FGF13: variants seen among roughly 807,000 people sequenced by gnomAD.
FGF13 encodes fibroblast growth factor 13.
A neutral mutation model predicts 19.5 loss-of-function variants in FGF13; 2 were observed. The ratio of observed to expected loss-of-function variants is 0.10; its 90% confidence interval spans 0.04 to 0.32. The LOEUF is 0.32. FGF13 is among the 10% of genes least tolerant of loss of function. The pLI is 1.00. For synonymous variants in FGF13, 72 were observed against 76.9 expected, an observed-to-expected ratio of 0.94 and a Z score of 0.33; for missense variants, 113 against 192.7, an observed-to-expected ratio of 0.59 and a Z score of 2.45.
chrX:138,705,037 A>G (rs751191841), intron 2 of FGF13, among the ~76,000 whole-genome samples: 16 of 111,971 alleles, frequency 1.4e-4, no homozygotes, highest in Non-Finnish European at 2.3e-4. Flanking sequence ...CCATTTATAT[A>G]AAAGCTCATA....
intron 1 of FGF13, among the ~76,000 whole-genome samples, chrX:139,042,339 G>GA (rs1453558675): frequency 1.8e-5 from 2 of 111,462 alleles, no homozygotes; most frequent in Non-Finnish European, 1.9e-5. Flanking sequence ...TTTGGACCAG[G>GA]AATCATCCCA....
chrX:139,132,478 G>A (rs963383555), intron 1 of FGF13, among the ~76,000 whole-genome samples: 2 of 112,032 alleles, frequency 1.8e-5, no homozygotes, highest in Admixed American at 1.9e-4. Context: ...TTCACAAAAT[G>A]CTTTCTTAGT....
At chrX:138,966,073 A>G (rs1391190557) in intron 1 of FGF13, among the ~76,000 whole-genome samples, 1 of 111,775 alleles carries the variant, frequency 8.9e-6, no homozygotes. Flanking sequence ...GTGTTGCTAA[A>G]GGAGATTAAC....
At chrX:138,932,085 TAA>T (rs200977191) in intron 1 of FGF13, among the ~76,000 whole-genome samples, 2,382 of 110,912 alleles carry the variant, frequency 0.021, 65 homozygotes, top group African/African-American at 0.073. Context: ...GCATCTTTTT[TAA>T]AAAGAGTTGA....
intron 3 of FGF13, among the ~76,000 whole-genome samples, chrX:138,826,186 C>T (rs2091033330): frequency 1.8e-5 from 2 of 111,899 alleles, no homozygotes; most frequent in South Asian, 3.7e-4. Flanking sequence ...TTTGGATGTG[C>T]TATTTTCCAC....
chrX:138,932,703 A>AGTGTAGT (rs779804239), intron 1 of FGF13, among the ~76,000 whole-genome samples: 5 of 90,290 alleles, frequency 5.5e-5, no homozygotes, highest in Non-Finnish European at 1.1e-4. Context: ...TCAGGAGTGT[A>AGTGTAGT]GTGTGTGTGT....
chrX:138,987,251 T>A (rs1198634167), intron 1 of FGF13, among the ~76,000 whole-genome samples: 1 of 111,929 alleles, frequency 8.9e-6, no homozygotes, highest in Non-Finnish European at 1.9e-5. Flanking sequence ...ATCTAATTAT[T>A]TTAAGTATTC....
intron 1 of FGF13, among the ~76,000 whole-genome samples, chrX:138,916,287 A>C (rs2124235255): frequency 8.9e-6 from 1 of 111,877 alleles, no homozygotes; most frequent in South Asian, 3.8e-4. Context: ...CAATACTTCT[A>C]AATACGGACT....
intron 1 of FGF13, among the ~76,000 whole-genome samples, chrX:139,092,506 G>T (rs1349157139): frequency 2.7e-5 from 3 of 112,120 alleles, no homozygotes; most frequent in Admixed American, 9.5e-5. Context: ...ATCAACAACT[G>T]CATCCCATTG....
chrX:138,935,890 G>T (rs2091728958), intron 1 of FGF13, among the ~76,000 whole-genome samples: 1 of 112,255 alleles, frequency 8.9e-6, no homozygotes, highest in Admixed American at 9.4e-5. Flanking sequence ...GTTTTATTTT[G>T]ATGTGCATGA....
intron 1 of FGF13, among the ~76,000 whole-genome samples, chrX:138,953,111 A>C (rs1173504370): frequency 5.9e-4 from 66 of 111,341 alleles, no homozygotes; most frequent in Non-Finnish European, 1.1e-3. Context: ...TCATGCTGCT[A>C]TAAAGACACA....
At chrX:139,000,373 A>G (rs758779119) in intron 1 of FGF13, among the ~76,000 whole-genome samples, 1 of 111,854 alleles carries the variant, frequency 8.9e-6, no homozygotes, top group African/African-American at 3.2e-5. Context: ...GGGTATTCAA[A>G]CAGGAAAAGA....
intron 3 of FGF13, among the ~76,000 whole-genome samples, chrX:138,645,666 AC>A (rs2089299411): frequency 9.0e-6 from 1 of 111,439 alleles, no homozygotes; most frequent in Admixed American, 9.6e-5. Flanking sequence ...TATTCTCCCC[AC>A]CCCGCAACTT....
intron 1 of FGF13, among the ~76,000 whole-genome samples, chrX:139,071,909 G>A (rs749472288): frequency 5.1e-4 from 54 of 105,546 alleles, no homozygotes; most frequent in Non-Finnish European, 9.3e-4. Flanking sequence ...TCAGCTACTC[G>A]GGAGGCTGAG....
At chrX:138,746,285 A>G (rs993938280) in intron 3 of FGF13, among the ~76,000 whole-genome samples, 3 of 110,642 alleles carry the variant, frequency 2.7e-5, no homozygotes, top group African/African-American at 9.9e-5. Context: ...TGAGGGGGAA[A>G]GAGGAAGATA....
chrX:138,651,233 T>G (rs1269117238), intron 3 of FGF13, among the ~76,000 whole-genome samples: 1 of 111,899 alleles, frequency 8.9e-6, no homozygotes, highest in Non-Finnish European at 1.9e-5. Context: ...GTAGACAAAT[T>G]TAGCAGGTAT....
chrX:138,964,510 C>T (rs767996937), intron 1 of FGF13, among the ~76,000 whole-genome samples: 1 of 111,896 alleles, frequency 8.9e-6, no homozygotes, highest in Non-Finnish European at 1.9e-5. Flanking sequence ...TTCCATAGGA[C>T]ATTTCAGACA....
intron 1 of FGF13, among the ~76,000 whole-genome samples, chrX:139,105,089 T>A (rs1167566983): frequency 9.0e-6 from 1 of 111,201 alleles, no homozygotes; most frequent in African/African-American, 3.3e-5. Context: ...AACACTGGTT[T>A]TCAGTAGGAC....
chrX:138,632,256 T>C lies in FGF13; in HGVS notation c.*594A>G, dbSNP rs1317698803. On this transcript the variant is annotated 3_prime_UTR_variant, in exon 5 of 5. Coordinates refer to ENST00000315930, the MANE Select transcript of FGF13 (RefSeq NM_004114.5). ...CTTGAGCCTGAGAAGCCAATTCAGA[T>C]TCAACCCTGAATTTGGTTGATTTGG... is the stretch of plus-strand genomic sequence containing the variant. The C allele has an allele frequency of 9.0e-6, 1 of 111,213 alleles. No individual in the cohort carries two copies. The highest frequency in any genetic ancestry group is 3.3e-5 in the African/African-American group (1 of 30,543). 9.2% of individuals were successfully genotyped at this position (111,213 alleles called of 1,213,427 possible).
Sources: gnomAD v4.1 joint callset for allele counts (sites outside exome capture counted in the v4.1 genomes callset) on GRCh38, gnomAD v4.1.1 for gene constraint, MANE v1.5 for transcripts, NCBI Gene and HGNC (gene_info 2026-07-23, HGNC 2026-07-21) for gene names.